Variants in SIPA1L1 observed in about 807,000 individuals in gnomAD.
The protein encoded by SIPA1L1 is signal-induced proliferation-associated 1-like protein 1.
A neutral mutation model predicts 162.7 loss-of-function variants in SIPA1L1; 26 were observed. The observed-to-expected ratio is 0.16, with a 90% CI of 0.12 to 0.22. The LOEUF (loss-of-function observed/expected upper bound fraction) is 0.22. Ranked by LOEUF, SIPA1L1 falls within the 10% of genes least tolerant of loss-of-function variation. The probability of loss-of-function intolerance (pLI) is 1.00; values close to 1 mark genes in which losing one functional copy is unlikely to be tolerated. For synonymous variants in SIPA1L1, 829 were observed against 837.4 expected (o/e 0.99, Z 0.17); for missense variants, 1,874 against 2,241.0 (o/e 0.84, Z 3.31).
At chr14:71,662,782 C>G (rs935786338) in intron 10 of SIPA1L1, among the ~76,000 whole-genome samples, 3 of 152,148 alleles carry the variant, frequency 2.0e-5, no homozygotes, top group Admixed American at 2.0e-4. Flanking sequence ...GATCTGAAAC[C>G]TCTTATCAAG....
intron 18 of SIPA1L1, 66 bp from the exon 19 acceptor site, chr14:71,724,604 G>T: frequency 7.7e-7 from 1 of 1,294,250 alleles, no homozygotes; most frequent in South Asian, 1.4e-5. Context: ...ATCCTTTAGA[G>T]CCCATCATGC....
At chr14:71,338,974 A>G (rs532327662) in intron 2 of SIPA1L1, among the ~76,000 whole-genome samples, 7 of 151,998 alleles carry the variant, frequency 4.6e-5, no homozygotes, top group Non-Finnish European at 1.0e-4. Flanking sequence ...TCCCAACCTC[A>G]AGTGATCTGC....
chr14:71,426,346 A>ATTTG lies in SIPA1L1; in HGVS notation c.-464-86381_-464-86378dup, dbSNP rs369981219. On this transcript the variant is annotated intron_variant, in intron 2 of 23. Transcript: ENST00000381232. The stretch of plus-strand genomic sequence containing the variant: ...TCTAGCATTAACTGTTGACTTTTGT[A>ATTTG]TTTGTTTGTTTGTTTGTTTTTAGTG... 7.2e-3 allele frequency among the ~76,000 whole-genome samples: 1,068 copies of ATTTG among 149,336 alleles called. 5 individuals carry two copies. The highest frequency in any genetic ancestry group is 0.012 in the Non-Finnish European group (815 of 67,094).
chr14:71,372,778 T>C (rs937039088), intron 2 of SIPA1L1, among the ~76,000 whole-genome samples: 2 of 152,180 alleles, frequency 1.3e-5, no homozygotes, highest in African/African-American at 4.8e-5. Context: ...AATATTCAGT[T>C]GCATAATCAC....
At chr14:71,732,950 C>T (rs780629988) in intron 20 of SIPA1L1, among the ~76,000 whole-genome samples, 9 of 152,222 alleles carry the variant, frequency 5.9e-5, no homozygotes, top group Non-Finnish European at 1.3e-4. Flanking sequence ...TGGTGGCTCA[C>T]GCCTGTAATC....
At chr14:71,402,350 A>ATTT (rs34542279) in intron 2 of SIPA1L1, among the ~76,000 whole-genome samples, 2 of 144,286 alleles carry the variant, frequency 1.4e-5, no homozygotes, top group African/African-American at 2.6e-5. Flanking sequence ...TCTTGGGTAA[A>ATTT]TTTTTTTTTT....
intron 2 of SIPA1L1, among the ~76,000 whole-genome samples, chr14:71,491,042 A>G (rs190787231): frequency 7.9e-5 from 12 of 152,274 alleles, no homozygotes; most frequent in African/African-American, 2.6e-4. Context: ...TTAAGTAGTT[A>G]CCCTTTTTAA....
At chr14:71,579,726 G>T (rs1413913393) in intron 4 of SIPA1L1, among the ~76,000 whole-genome samples, 1 of 152,182 alleles carries the variant, frequency 6.6e-6, no homozygotes, top group East Asian at 1.9e-4. Flanking sequence ...ATTAATAATA[G>T]TTTGGATATT....
chr14:71,367,747 C>T (rs1356665335), intron 2 of SIPA1L1, among the ~76,000 whole-genome samples: 3 of 151,168 alleles, frequency 2.0e-5, no homozygotes, highest in African/African-American at 4.9e-5. Context: ...GCTGGGATTA[C>T]AGGCGCCCAC....
chr14:71,646,832 T>A (rs2042213837), intron 7 of SIPA1L1, among the ~76,000 whole-genome samples: 1 of 152,206 alleles, frequency 6.6e-6, no homozygotes, highest in South Asian at 2.1e-4. Flanking sequence ...TCTATTTTGA[T>A]CATTACCTTA....
chr14:71,669,634 A>G (rs191685226), intron 10 of SIPA1L1, among the ~76,000 whole-genome samples: 2 of 152,310 alleles, frequency 1.3e-5, no homozygotes, highest in African/African-American at 4.8e-5. Flanking sequence ...TTCACAATAG[A>G]CAAGAAAAAT....
intron 2 of SIPA1L1, among the ~76,000 whole-genome samples, chr14:71,500,954 C>T (rs893891466): frequency 4.6e-5 from 7 of 152,126 alleles, no homozygotes; most frequent in African/African-American, 1.2e-4. Flanking sequence ...TGCGGTGACC[C>T]GAGATCGTGC....
Position 71,423,679 on chromosome 14 carries a change from T to C in SIPA1L1, c.-464-89064T>C, listed in dbSNP as rs2043354847. 2.0e-5 allele frequency among the ~76,000 whole-genome samples: 3 copies of C among 152,196 alleles called. No individual in the cohort carries two copies. The South Asian group carries it at 6.2e-4, about 31-fold the overall frequency. Reference sequence around the variant, plus strand: ...TATTCCATTGGTGTCTGAGTCTGTCTTTATGCCAGTACCATATTGTTTTGA... The same window carrying C: ...TATTCCATTGGTGTCTGAGTCTGTCCTTATGCCAGTACCATATTGTTTTGA... On this transcript the variant is annotated intron_variant, in intron 2 of 23. Transcript: ENST00000381232.
At chr14:71,324,670 TG>T (rs1464383961) in intron 2 of SIPA1L1, among the ~76,000 whole-genome samples, 7 of 152,372 alleles carry the variant, frequency 4.6e-5, no homozygotes, top group Non-Finnish European at 7.3e-5. Flanking sequence ...AATCTTTATT[TG>T]CACAGAGCAT....
At chr14:71,323,647 T>G (rs2033422596) in intron 2 of SIPA1L1, among the ~76,000 whole-genome samples, 1 of 152,198 alleles carries the variant, frequency 6.6e-6, no homozygotes, top group Admixed American at 6.5e-5. Flanking sequence ...TTTTTCCCCT[T>G]TGGATCAAAT....
At chr14:71,399,429 G>A (rs950815426) in intron 2 of SIPA1L1, among the ~76,000 whole-genome samples, 1 of 152,198 alleles carries the variant, frequency 6.6e-6, no homozygotes, top group African/African-American at 2.4e-5. Context: ...TTTTGAAACA[G>A]GGTCTTGCTC....
chr14:71,719,096 AC>A (rs1205416706), intron 17 of SIPA1L1, among the ~76,000 whole-genome samples: 1 of 151,614 alleles, frequency 6.6e-6, no homozygotes, highest in Non-Finnish European at 1.5e-5. Flanking sequence ...ATGCCACCAC[AC>A]CTGGCTAATT....
In SIPA1L1 at chr14:71,330,283, C is replaced by CTAGTTA. The variant is rs1451536281; in HGVS notation, c.-465+9103_-465+9108dup. The CTAGTTA allele has an allele frequency of 6.6e-5, 48 of 724,582 alleles. No individual in the cohort carries two copies. The East Asian group carries it at 1.2e-3, about 18-fold the overall frequency. The allele number at this position is 724,582 out of a possible 1,614,324, so 44.9% of individuals were successfully genotyped here. ...AAAGTAGAAGTGGCTCCCCTGAAGTCTAGTTAGCATGTTGTGGGAGAGTCC... is the reference window on the plus strand; with the variant it reads ...AAAGTAGAAGTGGCTCCCCTGAAGTCTAGTTATAGTTAGCATGTTGTGGGAGAGTCC... On this transcript the variant is annotated intron_variant, in intron 2 of 23. Transcript: ENST00000381232.
At chr14:71,514,297 G>T (rs146869761) in intron 3 of SIPA1L1, among the ~76,000 whole-genome samples, 209 of 152,236 alleles carry the variant, frequency 1.4e-3, no homozygotes, top group Non-Finnish European at 2.5e-3. Flanking sequence ...TATGCACAGT[G>T]GTCTGTTAGT....
Sources: allele counts gnomAD v4.1 joint callset (sites outside exome capture counted in the v4.1 genomes callset), GRCh38; gene constraint gnomAD v4.1.1; transcripts MANE v1.5; gene names NCBI Gene and HGNC (gene_info 2026-07-23, HGNC 2026-07-21).